SPATC1: variants seen among roughly 807,000 people sequenced by gnomAD.
SPATC1 encodes the protein spermatogenesis and centriole associated 1.
Under a neutral mutation model 36.5 loss-of-function variants are expected in SPATC1, and 35 were observed. That is an observed-to-expected ratio of 0.96 (90% CI 0.73 to 1.27). SPATC1 has a LOEUF of 1.27. SPATC1 is among the 50% of genes most tolerant of loss of function. The pLI is 0.00. For missense variants in SPATC1, 779 were observed against 796.0 expected (o/e 0.98, Z 0.26); for synonymous variants, 361 against 353.6 (o/e 1.02, Z -0.24).
chr8:144,012,749 G>A, intron 1 of SPATC1, 23 bp downstream of exon 1: 1 of 1,551,150 alleles, frequency 6.4e-7, no homozygotes, highest in Non-Finnish European at 8.7e-7. Context: ...GCTCCCAAGA[G>A]AGTGAGGAGG....
chr8:144,011,715 A>T (rs1043913876), upstream of SPATC1, among the ~76,000 whole-genome samples: 2 of 152,172 alleles, frequency 1.3e-5, no homozygotes, highest in African/African-American at 4.8e-5. This position sits in a 1 kb window ranked among gnomAD's most constrained non-coding sequence, Gnocchi z 4.5. Flanking sequence ...TAAAGTCAGG[A>T]AAATTCAAGG....
At chr8:144,011,787 G>A (rs1179469990), upstream of SPATC1, among the ~76,000 whole-genome samples, 3 of 152,206 alleles carry the variant, frequency 2.0e-5, no homozygotes, top group East Asian at 1.9e-4. The surrounding 1 kb of genome is among the most constrained non-coding windows in gnomAD (Gnocchi z 4.5). Flanking sequence ...AATAGGGAAC[G>A]CTGAGTCACC....
intron 1 of SPATC1, among the ~76,000 whole-genome samples, chr8:144,035,069 T>C (rs1432767051): frequency 1.3e-5 from 2 of 151,780 alleles, no homozygotes; most frequent in Non-Finnish European, 2.9e-5. Flanking sequence ...ATTTCATGAT[T>C]TGCTGAACAA....
rs1834734485 is a variant in SPATC1 at position 144,028,748 on chromosome 8, T to C, written c.212-11161T>C. On this transcript the variant is annotated intron_variant, in intron 1 of 4. Transcript: ENST00000377470. ...AAATCATTCTATTATGAAGAATTCA[T>C]GCACGTGTATATTCATTGCAGCACT... is the stretch of plus-strand genomic sequence containing the variant. Among the ~76,000 whole-genome samples the C allele has an allele frequency of 2.0e-5, 3 of 152,352 alleles. No homozygotes were observed. In the South Asian group the frequency reaches 6.2e-4, roughly 32 times the overall value.
chr8:144,046,601 G>T lies in SPATC1; in HGVS notation c.1447-26G>T. Reference sequence around the variant, plus strand: ...GTGTGTGGAGGTGTGGCAAGGGAGGGTCCCTGATGGCCGCTGTCCCCACAG... The same window carrying T: ...GTGTGTGGAGGTGTGGCAAGGGAGGTTCCCTGATGGCCGCTGTCCCCACAG... On this transcript the variant is annotated intron_variant, in intron 4 of 4. Coordinates refer to ENST00000377470, the MANE Select transcript of SPATC1 (RefSeq NM_198572.3). This position sits in a 1 kb window ranked among gnomAD's most constrained non-coding sequence, Gnocchi z 6.6. 1.3e-6 allele frequency: 2 copies of T among 1,588,778 alleles called. No homozygotes were observed. The highest frequency in any genetic ancestry group is 1.7e-6 in the Non-Finnish European group (2 of 1,170,072).
chr8:144,014,222 GC>G (rs1266267516), intron 1 of SPATC1, among the ~76,000 whole-genome samples: 1 of 151,568 alleles, frequency 6.6e-6, no homozygotes, highest in Non-Finnish European at 1.5e-5. Context: ...TTGCACTGCA[GC>G]CTGGGCAAAA....
In SPATC1 at chr8:144,041,219, C is replaced by A; in HGVS notation, c.1307-13C>A. 3 of 1,613,122 alleles carry A rather than the reference C, an allele frequency of 1.9e-6. No individual in the cohort carries two copies. Among genetic ancestry groups the A allele is most frequent in the Non-Finnish European group, 2.5e-6 (3 of 1,179,936 alleles). Reference sequence around the variant, plus strand: ...ACCCTCTCACCTGGGCTGACGAGACCCTGTGTCCCCAGAGTCGAAGCAGCT... The same window carrying A: ...ACCCTCTCACCTGGGCTGACGAGACACTGTGTCCCCAGAGTCGAAGCAGCT... On this transcript the variant is annotated splice_polypyrimidine_tract_variant and intron_variant, in intron 3 of 4. Transcript: ENST00000377470.
chr8:144,034,837 G>A (rs1471449294), intron 1 of SPATC1, among the ~76,000 whole-genome samples: 1 of 152,048 alleles, frequency 6.6e-6, no homozygotes, highest in Non-Finnish European at 1.5e-5. Context: ...TGGCCAAGCT[G>A]GTCTCAATCT....
In SPATC1 at chr8:144,046,857, G is replaced by A. The variant is rs142323007; in HGVS notation, c.1677G>A (p.Val559=). ...YTVDFLQRVV[V]ETVHPGMLAD... ...TGGACTTCCTGCAGCGTGTGGTGGT[G>A]GAGACCGTGCACCCCGGCATGCTCG... The change falls in exon 5 of 5, where the codon GTG becomes GTA. Residue 559 remains valine, a synonymous_variant. Coordinates refer to ENST00000377470, the MANE Select transcript of SPATC1 (RefSeq NM_198572.3). The surrounding 1 kb of genome is among the most constrained non-coding windows in gnomAD (Gnocchi z 6.6). The A allele has an allele frequency of 6.7e-3, 10,773 of 1,601,574 alleles. 47 individuals carry two copies. Among genetic ancestry groups the A allele is most frequent in the Middle Eastern group, 9.9e-3 (60 of 6,060 alleles).
At chr8:144,011,516 C>T (rs556005683), upstream of SPATC1, among the ~76,000 whole-genome samples, 14 of 152,154 alleles carry the variant, frequency 9.2e-5, no homozygotes, top group African/African-American at 3.4e-4. The surrounding 1 kb of genome is among the most constrained non-coding windows in gnomAD (Gnocchi z 4.5). Context: ...CTCCCTGCCC[C>T]AAAAAGAGGT....
intron 1 of SPATC1, among the ~76,000 whole-genome samples, chr8:144,020,024 G>C (rs1834474505): frequency 6.6e-6 from 1 of 151,852 alleles, no homozygotes; most frequent in South Asian, 2.1e-4. Context: ...CCTCACACGA[G>C]AACCTGCCTT....
intron 1 of SPATC1, among the ~76,000 whole-genome samples, chr8:144,027,829 C>A: frequency 6.6e-6 from 1 of 151,952 alleles, no homozygotes; most frequent in East Asian, 1.9e-4. Flanking sequence ...CCCATCTCTA[C>A]TAAAAATACA....
chr8:144,012,255 T>C (rs1338098732), upstream of SPATC1, among the ~76,000 whole-genome samples: 1 of 152,138 alleles, frequency 6.6e-6, no homozygotes, highest in Non-Finnish European at 1.5e-5. Flanking sequence ...GAGGGTGAAG[T>C]TGGCGAGACA....
At chr8:144,021,157 T>A (rs1274290271) in intron 1 of SPATC1, among the ~76,000 whole-genome samples, 1 of 25,424 alleles carries the variant, frequency 3.9e-5, no homozygotes, top group Non-Finnish European at 8.3e-5. Context: ...TCCTTCAGTA[T>A]CCTCTCCCCT....
rs574364409 is a variant in SPATC1, at chr8:144,037,679, C to T, written c.212-2230C>T. Among the ~76,000 whole-genome samples the T allele has an allele frequency of 5.2e-3, 786 of 151,802 alleles. 7 individuals are homozygous for T. The highest frequency in any genetic ancestry group is 0.018 in the African/African-American group (752 of 41,194). On this transcript the variant is annotated intron_variant, in intron 1 of 4. Transcript: ENST00000377470. ...GGGACACAAACACTGTGGAAGGCCG[C>T]AGGGTCCTCTGCCTAGGAAAACCAG...
chr8:144,027,212 G>A (rs1834702891), intron 1 of SPATC1, among the ~76,000 whole-genome samples: 1 of 152,048 alleles, frequency 6.6e-6, no homozygotes, highest in South Asian at 2.1e-4. Context: ...AGACTCAAAT[G>A]ATCCTGCCAC....
chr8:144,020,852 C>T (rs1296347830), intron 1 of SPATC1, among the ~76,000 whole-genome samples: 1 of 109,802 alleles, frequency 9.1e-6, no homozygotes, highest in Non-Finnish European at 2.0e-5. Context: ...CCTAAAGACC[C>T]TCTCCCCTCA....
At chr8:144,020,797 C>G (rs1391638125) in intron 1 of SPATC1, among the ~76,000 whole-genome samples, 1 of 145,812 alleles carries the variant, frequency 6.9e-6, no homozygotes, top group African/African-American at 2.6e-5. Flanking sequence ...CCTCTCCCAT[C>G]AAAACCCTCT....
chr8:144,031,946 C>A (rs1834806206), intron 1 of SPATC1, among the ~76,000 whole-genome samples: 3 of 152,088 alleles, frequency 2.0e-5, no homozygotes, highest in Admixed American at 2.0e-4. Context: ...TCTTGAACTC[C>A]TGGGCTCAAG....
Sources: gnomAD v4.1 joint callset for allele counts (sites outside exome capture counted in the v4.1 genomes callset) on GRCh38, gnomAD v4.1.1 for gene constraint, Gnocchi (gnomAD v3.1) non-coding constraint, MANE v1.5 for transcripts, NCBI Gene and HGNC (gene_info 2026-07-23, HGNC 2026-07-21) for gene names.